Variants in SAMD5 observed in about 807,000 individuals in gnomAD.
SAMD5 encodes the protein sterile alpha motif domain containing 5, also known as sterile alpha motif domain-containing protein 5.
A neutral mutation model predicts 11.3 loss-of-function variants in SAMD5; 13 were observed. The ratio of observed to expected loss-of-function variants is 1.15; its 90% CI spans 0.75 to 1.83. SAMD5 has a LOEUF of 1.83. Ranked by LOEUF, SAMD5 falls within the 40% of genes most tolerant of loss-of-function variation. SAMD5 has a pLI of 0.00. For missense variants in SAMD5, 255 were observed against 239.1 expected (o/e 1.07, Z -0.44); for synonymous variants, 129 against 111.3 (o/e 1.16, Z -1.00).
the SAMD5 span, among the ~76,000 whole-genome samples, chr6:147,779,124 G>A: frequency 5.3e-5 from 8 of 151,898 alleles, no homozygotes; most frequent in South Asian, 1.5e-3. Flanking sequence ...TAATAAGTTA[G>A]TGTTGCTATT....
intron 1 of SAMD5, among the ~76,000 whole-genome samples, chr6:147,695,001 A>G (rs1277533862): frequency 2.0e-5 from 3 of 152,226 alleles, no homozygotes; most frequent in Non-Finnish European, 2.9e-5. Flanking sequence ...AGCCCATAAT[A>G]TGAAAGTCTC....
At chr6:147,557,405 A>G (rs1412059447) in intron 1 of SAMD5, among the ~76,000 whole-genome samples, 1 of 152,182 alleles carries the variant, frequency 6.6e-6, no homozygotes, top group Non-Finnish European at 1.5e-5. Flanking sequence ...TCACAGCCAG[A>G]AGTCTGAAAT....
chr6:147,784,138 G>A, the SAMD5 span, among the ~76,000 whole-genome samples: 6 of 152,138 alleles, frequency 3.9e-5, no homozygotes, highest in Admixed American at 3.3e-4. Context: ...GGTGGTAGAA[G>A]AGAAAAATTA....
intron 1 of SAMD5, among the ~76,000 whole-genome samples, chr6:147,612,412 C>CTTTTTATTT (rs1175546182): frequency 6.6e-6 from 1 of 152,102 alleles, no homozygotes; most frequent in Non-Finnish European, 1.5e-5. Context: ...TTAAATCATT[C>CTTTTTATTT]TTTTTATTTT....
chr6:147,579,529 G>C (rs570267865), intron 1 of SAMD5, among the ~76,000 whole-genome samples: 8 of 128,184 alleles, frequency 6.2e-5, no homozygotes, highest in African/African-American at 2.4e-4. Context: ...GCAGCAGTGT[G>C]ATCTCAGCTC....
the SAMD5 span, among the ~76,000 whole-genome samples, chr6:147,751,660 C>T: frequency 6.6e-6 from 1 of 152,128 alleles, no homozygotes. Context: ...AAATTATTAA[C>T]CCCCGTAAAA....
intron 1 of SAMD5, among the ~76,000 whole-genome samples, chr6:147,534,919 T>G (rs1238303080): frequency 6.6e-6 from 1 of 152,220 alleles, no homozygotes. Context: ...TTACTGTCTT[T>G]GTTTAAACCA....
At chr6:147,631,753 A>G (rs1344182382) in intron 1 of SAMD5, among the ~76,000 whole-genome samples, 8 of 152,164 alleles carry the variant, frequency 5.3e-5, no homozygotes, top group Non-Finnish European at 4.4e-5. Flanking sequence ...TCAATTTGCC[A>G]GTCCTGGGCA....
chr6:147,930,257 T>A, the SAMD5 span, among the ~76,000 whole-genome samples: 19 of 152,118 alleles, frequency 1.2e-4, no homozygotes, highest in Admixed American at 8.5e-4. Flanking sequence ...AGCATTTTGG[T>A]TACAACACTT....
intron 1 of SAMD5, among the ~76,000 whole-genome samples, chr6:147,599,550 T>C (rs1789584948): frequency 6.6e-6 from 1 of 152,236 alleles, no homozygotes; most frequent in South Asian, 2.1e-4. Context: ...AGATTTTGAC[T>C]AGTGAAATCC....
chr6:147,880,378 C>T, the SAMD5 span, among the ~76,000 whole-genome samples: 4 of 152,114 alleles, frequency 2.6e-5, no homozygotes, highest in Admixed American at 2.6e-4. Context: ...CACACAGAGA[C>T]ACATACACAC....
chr6:147,886,162 T>C, the SAMD5 span, among the ~76,000 whole-genome samples: 1 of 152,214 alleles, frequency 6.6e-6, no homozygotes, highest in Admixed American at 6.5e-5. Flanking sequence ...TTGATTATAA[T>C]TTATTGAAAA....
chr6:147,675,545 A>G (rs1230167110), intron 1 of SAMD5, among the ~76,000 whole-genome samples: 3 of 152,190 alleles, frequency 2.0e-5, no homozygotes. Flanking sequence ...TTTATGAATC[A>G]TTTTAACTTA....
At chr6:147,789,100 CAAA>C in the SAMD5 span, among the ~76,000 whole-genome samples, 1 of 136,346 alleles carries the variant, frequency 7.3e-6, no homozygotes, top group African/African-American at 2.6e-5. Context: ...AACAAACAAA[CAAA>C]AAAAAAAACA....
the SAMD5 span, among the ~76,000 whole-genome samples, chr6:147,866,192 C>T: frequency 5.8e-4 from 89 of 152,166 alleles, no homozygotes; most frequent in Non-Finnish European, 8.7e-4. Context: ...CAGACATACA[C>T]ATAGACACAT....
At position 147,629,954 on chromosome 6, in the gene SAMD5, T is replaced by TC. The variant is rs1409666864; in HGVS notation, c.163-107363_163-107362insC. On this transcript the variant is annotated intron_variant, in intron 1 of 1. Coordinates refer to the SAMD5 transcript ENST00000566741. The stretch of plus-strand genomic sequence containing the variant: ...GACCCATAGGTTTTCTTTTCTTTTT[T>TC]TTTTTTTTTTTTGAGATGGAGTTTC... Among the ~76,000 whole-genome samples, 12 of 150,570 alleles carry TC rather than the reference T, an allele frequency of 8.0e-5. No individual in the cohort carries two copies. In the East Asian group the frequency reaches 2.1e-3, roughly 27 times the overall value.
At chr6:147,909,245 C>A in the SAMD5 span, among the ~76,000 whole-genome samples, 3 of 152,116 alleles carry the variant, frequency 2.0e-5, no homozygotes, top group Admixed American at 6.5e-5. Context: ...GGGTAGGAAC[C>A]ATCAATCTGT....
the SAMD5 span, among the ~76,000 whole-genome samples, chr6:147,794,729 G>A: frequency 1.3e-5 from 2 of 152,100 alleles, no homozygotes; most frequent in Non-Finnish European, 2.9e-5. Flanking sequence ...TGCCCTTGAG[G>A]CACAGTAATA....
downstream of SAMD5, among the ~76,000 whole-genome samples, chr6:147,572,336 A>C (rs844633): frequency 0.73 from 110,839 of 152,086 alleles, 40,573 homozygotes; most frequent in Admixed American, 0.78. Context: ...GTTATTATTC[A>C]GATTTTCTGA....
Sources: gnomAD v4.1 joint callset for allele counts (sites outside exome capture counted in the v4.1 genomes callset) on GRCh38, gnomAD v4.1.1 for gene constraint, MANE v1.5 for transcripts, NCBI Gene and HGNC (gene_info 2026-07-23, HGNC 2026-07-21) for gene names.